The following ZFAND3 variants were observed in gnomAD, a reference collection of about 807,000 sequenced individuals.
ZFAND3 encodes AN1-type zinc finger protein 3.
A neutral mutation model predicts 29.6 loss-of-function variants in ZFAND3; 10 were observed. The ratio of observed to expected loss-of-function variants is 0.34; its 90% confidence interval spans 0.21 to 0.57. The LOEUF is 0.57. Ranked by LOEUF, ZFAND3 falls within the 20% of genes least tolerant of loss-of-function variation. The pLI is 0.86. For missense variants in ZFAND3, 230 were observed against 304.5 expected, an observed-to-expected ratio of 0.76 and a Z score of 1.82; for synonymous variants, 128 against 112.6, an observed-to-expected ratio of 1.14 and a Z score of -0.87.
chr6:37,868,589 A>G (rs1369492992), intron 1 of ZFAND3, among the ~76,000 whole-genome samples: 1 of 152,232 alleles, frequency 6.6e-6, no homozygotes, highest in East Asian at 1.9e-4. Context: ...ATAGGAAGCC[A>G]AAAACCAAGC....
chr6:37,992,508 C>G (rs1430962585), intron 2 of ZFAND3, among the ~76,000 whole-genome samples: 1 of 152,240 alleles, frequency 6.6e-6, no homozygotes, highest in East Asian at 1.9e-4. Context: ...TGCTTTCCCT[C>G]TCTTCTTCTC....
At chr6:38,029,853 A>T (rs1052722754) in intron 2 of ZFAND3, among the ~76,000 whole-genome samples, 1 of 152,072 alleles carries the variant, frequency 6.6e-6, no homozygotes, top group African/African-American at 2.4e-5. Context: ...CACACAAAAC[A>T]TTGCTACTAT....
intron 2 of ZFAND3, among the ~76,000 whole-genome samples, chr6:37,935,148 A>T (rs1374229050): frequency 6.6e-6 from 1 of 152,158 alleles, no homozygotes; most frequent in Non-Finnish European, 1.5e-5. Context: ...ATTATTGCTA[A>T]AGAAAGGTTT....
At chr6:37,973,561 AGGAACT>A (rs1445549789) in intron 2 of ZFAND3, among the ~76,000 whole-genome samples, 2 of 152,240 alleles carry the variant, frequency 1.3e-5, no homozygotes, top group Non-Finnish European at 2.9e-5. Flanking sequence ...AGTGTGACTT[AGGAACT>A]GCATTTTCCA....
chr6:37,837,670 A>G (rs1327818826), intron 1 of ZFAND3, among the ~76,000 whole-genome samples: 2 of 151,934 alleles, frequency 1.3e-5, no homozygotes, highest in African/African-American at 4.8e-5. Flanking sequence ...ACACCCGGCT[A>G]ACTTTTTTGT....
intron 2 of ZFAND3, among the ~76,000 whole-genome samples, chr6:38,021,482 A>G (rs994116570): frequency 6.6e-6 from 1 of 152,168 alleles, no homozygotes; most frequent in Non-Finnish European, 1.5e-5. Context: ...CCAGGACTAG[A>G]ATTTTTCATT....
intron 1 of ZFAND3, among the ~76,000 whole-genome samples, chr6:37,842,228 C>G (rs1035599183): frequency 2.6e-5 from 4 of 152,112 alleles, no homozygotes; most frequent in African/African-American, 9.7e-5. Flanking sequence ...ACTCTGTAAC[C>G]CAAACCTTTA....
At chr6:38,008,711 C>T (rs948461783) in intron 2 of ZFAND3, among the ~76,000 whole-genome samples, 5 of 151,882 alleles carry the variant, frequency 3.3e-5, no homozygotes, top group African/African-American at 1.2e-4. Context: ...TTCTGCTTTT[C>T]CTGTTCCCTA....
At chr6:38,014,336 T>TATTATTATTATTA (rs563013436) in intron 2 of ZFAND3, among the ~76,000 whole-genome samples, 48 of 147,252 alleles carry the variant, frequency 3.3e-4, no homozygotes, top group African/African-American at 1.2e-3. Flanking sequence ...TATTATTTTT[T>TATTATTATTATTA]TTTTTTTGAG....
chr6:38,005,622 T>A (rs1435385566), intron 2 of ZFAND3, among the ~76,000 whole-genome samples: 1 of 152,224 alleles, frequency 6.6e-6, no homozygotes, highest in Non-Finnish European at 1.5e-5. Flanking sequence ...TTAGAATGAA[T>A]CACTTTTCTT....
intron 5 of ZFAND3, among the ~76,000 whole-genome samples, chr6:38,139,949 A>G (rs183594378): frequency 4.6e-4 from 70 of 152,356 alleles, no homozygotes; most frequent in Non-Finnish European, 8.4e-4. Flanking sequence ...CAAGAAGTGA[A>G]TGGATTTGAT....
At chr6:37,909,469 G>A (rs541637157) in intron 1 of ZFAND3, among the ~76,000 whole-genome samples, 72 of 151,498 alleles carry the variant, frequency 4.8e-4, no homozygotes, top group African/African-American at 1.6e-3. Flanking sequence ...TAGTAGAGTC[G>A]GGGTTTTGCC....
chr6:38,099,521 A>G (rs1306193798), intron 4 of ZFAND3, among the ~76,000 whole-genome samples: 1 of 152,230 alleles, frequency 6.6e-6, no homozygotes, highest in Non-Finnish European at 1.5e-5. Context: ...ACAACTCAGA[A>G]TTTTAAATAA....
intron 4 of ZFAND3, among the ~76,000 whole-genome samples, chr6:38,105,037 C>T (rs1765179974): frequency 2.0e-5 from 3 of 152,224 alleles, no homozygotes; most frequent in African/African-American, 7.2e-5. Flanking sequence ...TAACCAATGC[C>T]TCAGTTTCCT....
chr6:38,061,428 C>G (rs1581883933), intron 2 of ZFAND3, among the ~76,000 whole-genome samples, 165 bp from the exon 3 acceptor site: 1 of 152,168 alleles, frequency 6.6e-6, no homozygotes, highest in South Asian at 2.1e-4. Flanking sequence ...TTCCACTAAT[C>G]TTAAACGTTT....
chr6:37,891,107 A>C (rs1765088981), intron 1 of ZFAND3, among the ~76,000 whole-genome samples: 2 of 152,190 alleles, frequency 1.3e-5, no homozygotes, highest in African/African-American at 4.8e-5. Flanking sequence ...CCTCATATCC[A>C]CTTGCTGTCT....
At chr6:38,136,734 A>C (rs1457019172) in intron 5 of ZFAND3, among the ~76,000 whole-genome samples, 1 of 152,214 alleles carries the variant, frequency 6.6e-6, no homozygotes, top group Admixed American at 6.5e-5. Flanking sequence ...TGCTGTGCAC[A>C]GCAGGCCACT....
chr6:38,141,330 A>G (rs990127499), intron 5 of ZFAND3, among the ~76,000 whole-genome samples: 1 of 152,174 alleles, frequency 6.6e-6, no homozygotes, highest in South Asian at 2.1e-4. Flanking sequence ...TCAACAAACA[A>G]TCAGTACGTG....
Position 37,907,180 on chromosome 6 carries a change from A to AT in ZFAND3, c.72-22771dup, listed in dbSNP as rs1317124458. Among the ~76,000 whole-genome samples the AT allele has an allele frequency of 9.2e-5, 14 of 151,752 alleles. 1 individual carries two copies. Among genetic ancestry groups the AT allele is most frequent in the East Asian group, 5.8e-4 (3 of 5,154 alleles). On this transcript the variant is annotated intron_variant, in intron 1 of 5. Transcript: ENST00000287218. ...TTTATTCCTTTCCAAAATATCATTGATTTTTTTTCAGATCATAGAATATTC... is the reference window on the plus strand; with the variant it reads ...TTTATTCCTTTCCAAAATATCATTGATTTTTTTTTCAGATCATAGAATATTC...
Sources: allele counts gnomAD v4.1 joint callset (sites outside exome capture counted in the v4.1 genomes callset), GRCh38; gene constraint gnomAD v4.1.1; transcripts MANE v1.5; gene names NCBI Gene and HGNC (gene_info 2026-07-23, HGNC 2026-07-21).